Variants in PIP5K1A observed in about 807,000 individuals in gnomAD.
PIP5K1A encodes the protein phosphatidylinositol-4-phosphate 5-kinase type 1 alpha.
In PIP5K1A, 46 loss-of-function variants were observed where a neutral mutation model predicts 72.9. That is an observed-to-expected ratio of 0.63 (90% CI 0.50 to 0.81). PIP5K1A has a LOEUF of 0.81. Ranked by LOEUF, PIP5K1A falls within the 30% of genes least tolerant of loss-of-function variation. PIP5K1A has a pLI of 0.00. For missense variants in PIP5K1A, 458 were observed against 706.1 expected (o/e 0.65, Z 3.98); for synonymous variants, 228 against 255.1 (o/e 0.89, Z 1.01).
chr1:151,235,000 C>T (rs932767325), intron 8 of PIP5K1A, among the ~76,000 whole-genome samples: 1 of 152,206 alleles, frequency 6.6e-6, no homozygotes, highest in Non-Finnish European at 1.5e-5. Context: ...CTTTGTTTCT[C>T]AACAAGCTAC....
chr1:151,198,392 C>G (rs587752704), upstream of PIP5K1A, among the ~76,000 whole-genome samples: 2 of 152,040 alleles, frequency 1.3e-5, no homozygotes, highest in Non-Finnish European at 2.9e-5. Flanking sequence ...TAGGGACTGT[C>G]GGCCAACCCG....
chr1:151,221,598 G>A (rs1570868726), intron 1 of PIP5K1A, among the ~76,000 whole-genome samples: 1 of 152,194 alleles, frequency 6.6e-6, no homozygotes, highest in Non-Finnish European at 1.5e-5. Flanking sequence ...TTCTAGGGAA[G>A]AGTACATTTT....
At chr1:151,224,318 A>G (rs199624683) in intron 2 of PIP5K1A, 39 bp downstream of exon 2, 34 of 1,609,914 alleles carry the variant, frequency 2.1e-5, no homozygotes, top group Non-Finnish European at 2.8e-5. Context: ...TAAAACCTTA[A>G]TTCTGGGATA....
At chr1:151,232,413 A>G in intron 6 of PIP5K1A, 48 bp downstream of exon 6, 1 of 1,502,082 alleles carries the variant, frequency 6.7e-7, no homozygotes, top group Middle Eastern at 1.7e-4. Flanking sequence ...TCAGAGGGAT[A>G]TTCCCAAAGG....
intron 12 of PIP5K1A, among the ~76,000 whole-genome samples, chr1:151,240,919 C>G (rs1691586224): frequency 6.6e-6 from 1 of 152,096 alleles, no homozygotes; most frequent in African/African-American, 2.4e-5. Flanking sequence ...AATCCCAGCA[C>G]TTTGGGAGGC....
At chr1:151,243,048 C>A (rs1264063744) in intron 14 of PIP5K1A, among the ~76,000 whole-genome samples, 1 of 152,226 alleles carries the variant, frequency 6.6e-6, no homozygotes. Context: ...ATAACTTAAT[C>A]TCAGAATTGA....
At chr1:151,216,570 T>C (rs1415500211) in intron 1 of PIP5K1A, among the ~76,000 whole-genome samples, 1 of 152,184 alleles carries the variant, frequency 6.6e-6, no homozygotes, top group Non-Finnish European at 1.5e-5. Context: ...GAAATTTTCC[T>C]GTAACTTAAT....
intron 1 of PIP5K1A, among the ~76,000 whole-genome samples, chr1:151,214,414 T>A (rs1687286930): frequency 6.6e-6 from 1 of 152,170 alleles, no homozygotes; most frequent in African/African-American, 2.4e-5. Flanking sequence ...AGAGTTTCGC[T>A]CTGTTGCCCA....
chr1:151,208,761 C>T (rs1686350115), intron 1 of PIP5K1A, among the ~76,000 whole-genome samples: 2 of 98,796 alleles, frequency 2.0e-5, no homozygotes, highest in African/African-American at 7.9e-5. Flanking sequence ...GAGACGGAGT[C>T]TTGCTCTGTT....
chr1:151,200,185 T>G (rs1685020768), intron 1 of PIP5K1A, among the ~76,000 whole-genome samples: 1 of 136,644 alleles, frequency 7.3e-6, no homozygotes, highest in African/African-American at 2.8e-5. Flanking sequence ...AGAAGAAAGA[T>G]GGGTGGGGGG....
rs1215502356 is a variant in PIP5K1A at position 151,249,064 on chromosome 1, C to A, written c.*1199C>A. On this transcript the variant is annotated 3_prime_UTR_variant, in exon 16 of 16. Transcript: ENST00000368888. ...ACATATGCCCTCTCCTCCCCGTCTA[C>A]AAGAGTTGTGGTTTTCCATCTGATC... The A allele has an allele frequency of 2.0e-5, 3 of 152,208 alleles. No individual in the cohort carries two copies. The highest frequency in any genetic ancestry group is 7.2e-5 in the African/African-American group (3 of 41,450). 9.4% of individuals were successfully genotyped at this position (152,208 alleles called of 1,614,324 possible).
intron 1 of PIP5K1A, among the ~76,000 whole-genome samples, chr1:151,203,267 A>ACCTATATTCTC (rs929753425): frequency 9.2e-5 from 14 of 152,116 alleles, no homozygotes; most frequent in African/African-American, 3.1e-4. Flanking sequence ...AATGGCTCAC[A>ACCTATATTCTC]CCTATATTCT....
Position 151,199,043 on chromosome 1 carries a change from C to T in PIP5K1A, c.47C>T (p.Ser16Phe), listed in dbSNP as rs777602849. Reference sequence around the variant, plus strand: ...CCGTCGTCTTCGGTCGGTTTTTCATCCTTTGATCCCGCGGTCCCTTCCTGT... The same window carrying T: ...CCGTCGTCTTCGGTCGGTTTTTCATTCTTTGATCCCGCGGTCCCTTCCTGT... The part of the protein sequence containing the change: ...SGPSSSVGFS[S>F]FDPAVPSCTL... The change falls in exon 1 of 16, where the codon TCC (serine) becomes TTC (phenylalanine). Residue 16 changes from serine (S) to phenylalanine (F), a missense_variant. Ser to Phe is a radical substitution (Grantham distance 155). This residue lies in a region of PIP5K1A where 81 missense variants were observed against 88.0 expected (regional missense o/e 0.92). Coordinates refer to ENST00000368888, the MANE Select transcript of PIP5K1A (RefSeq NM_001135638.2). 6 of 1,614,166 alleles carry T rather than the reference C, an allele frequency of 3.7e-6. No homozygotes were observed. Among genetic ancestry groups the T allele is most frequent in the Non-Finnish European group, 5.1e-6 (6 of 1,180,034 alleles).
At chr1:151,237,619 C>A (rs1484714794) in intron 9 of PIP5K1A, among the ~76,000 whole-genome samples, 5 of 152,044 alleles carry the variant, frequency 3.3e-5, no homozygotes, top group Non-Finnish European at 7.4e-5. Context: ...ACTGTACATG[C>A]CACTGCACTC....
chr1:151,242,155 G>A lies in PIP5K1A; in HGVS notation c.1396G>A (p.Gly466Ser). Residue 466 changes from glycine (G) to serine (S), a missense_variant, in exon 13 of 16, where the codon GGC (glycine) becomes AGC (serine). This residue lies in a region of PIP5K1A where 157 missense variants were observed against 175.5 expected (regional missense o/e 0.89). Transcript: ENST00000368888. ...KPSPSKKFRS[G>S]SSFSRRAGSS... Reference sequence around the variant, plus strand: ...TTCTCCTTCCAAAAAGTTTCGGTCTGGCTCATCTTTCTCTCGGCGAGCAGG... The same window carrying A: ...TTCTCCTTCCAAAAAGTTTCGGTCTAGCTCATCTTTCTCTCGGCGAGCAGG... 6.2e-7 allele frequency: 1 copy of A among 1,614,084 alleles called. No individual in the cohort carries two copies.
At chr1:151,230,835 C>G (rs185595912) in intron 4 of PIP5K1A, among the ~76,000 whole-genome samples, 1 of 152,352 alleles carries the variant, frequency 6.6e-6, no homozygotes, top group African/African-American at 2.4e-5. Context: ...CCTCCGCCCG[C>G]GCCCACCCCA....
intron 14 of PIP5K1A, among the ~76,000 whole-genome samples, chr1:151,246,351 C>G (rs587622137): frequency 6.6e-6 from 1 of 152,226 alleles, no homozygotes; most frequent in African/African-American, 2.4e-5. Flanking sequence ...AAAAGCTTAT[C>G]TGAGGGAAGA....
chr1:151,230,121 A>G (rs1490138471), intron 4 of PIP5K1A, among the ~76,000 whole-genome samples: 1 of 152,136 alleles, frequency 6.6e-6, no homozygotes, highest in Non-Finnish European at 1.5e-5. Flanking sequence ...GTTGTAATTT[A>G]TTGCCCATTG....
At chr1:151,227,831 A>T (rs1403265734) in intron 4 of PIP5K1A, among the ~76,000 whole-genome samples, 1 of 152,180 alleles carries the variant, frequency 6.6e-6, no homozygotes, top group Non-Finnish European at 1.5e-5. Context: ...GGTTGCAGTG[A>T]GGTCAAATTG....
Sources: gnomAD v4.1 joint callset for allele counts (sites outside exome capture counted in the v4.1 genomes callset) on GRCh38, gnomAD v4.1.1 for gene constraint, gnomAD v4.1.1 regional missense constraint, MANE v1.5 for transcripts, NCBI Gene and HGNC (gene_info 2026-07-23, HGNC 2026-07-21) for gene names.